The following TMEM135 variants were observed in gnomAD, a reference collection of about 807,000 sequenced individuals.
TMEM135 encodes the protein peroxisomal membrane protein 52.
Under a neutral mutation model 60.3 loss-of-function variants are expected in TMEM135, and 30 were observed. The observed-to-expected ratio is 0.50, with a 90% CI of 0.37 to 0.68. The LOEUF (loss-of-function observed/expected upper bound fraction) is 0.68. Among genes scored for constraint, TMEM135 ranks in the 30% least tolerant of loss-of-function variants. The pLI is 0.00. For missense variants in TMEM135, 468 were observed against 548.8 expected (o/e 0.85, Z 1.47); for synonymous variants, 190 against 186.7 (o/e 1.02, Z -0.14).
intron 5 of TMEM135, among the ~76,000 whole-genome samples, chr11:87,158,752 C>A (rs1476805913): frequency 6.6e-6 from 1 of 152,194 alleles, no homozygotes; most frequent in Admixed American, 6.5e-5. Context: ...GCGTGAGCCA[C>A]CGCGCCCGGC....
chr11:87,097,175 C>T (rs56181794), intron 4 of TMEM135, among the ~76,000 whole-genome samples: 12,021 of 151,992 alleles, frequency 0.079, 675 homozygotes, highest in Non-Finnish European at 0.12. Flanking sequence ...TTTTGTATTT[C>T]CAGTACAGAC....
intron 4 of TMEM135, among the ~76,000 whole-genome samples, chr11:87,101,886 T>G (rs1376343463): frequency 6.6e-6 from 1 of 152,072 alleles, no homozygotes; most frequent in Non-Finnish European, 1.5e-5. Context: ...GGCAGGAGAA[T>G]AGCTTGAACC....
intron 6 of TMEM135, among the ~76,000 whole-genome samples, chr11:87,282,612 G>A (rs1376876402): frequency 6.6e-6 from 1 of 152,186 alleles, no homozygotes; most frequent in African/African-American, 2.4e-5. Context: ...CCCTTGTAAA[G>A]TCTTTGCATA....
chr11:87,225,398 A>G (rs2135360721), intron 5 of TMEM135, among the ~76,000 whole-genome samples: 1 of 152,258 alleles, frequency 6.6e-6, no homozygotes, highest in African/African-American at 2.4e-5. Context: ...CCATTCAATA[A>G]CATCTGCAAT....
intron 6 of TMEM135, among the ~76,000 whole-genome samples, chr11:87,259,745 T>C (rs986765911): frequency 6.6e-6 from 1 of 152,204 alleles, no homozygotes; most frequent in Non-Finnish European, 1.5e-5. Flanking sequence ...ATTGAGTCAC[T>C]GAGCCAGGAA....
At chr11:87,058,752 T>G (rs1949917802) in intron 1 of TMEM135, among the ~76,000 whole-genome samples, 1 of 151,766 alleles carries the variant, frequency 6.6e-6, no homozygotes, top group African/African-American at 2.4e-5. Flanking sequence ...CCCGAGTAGC[T>G]GGGACTACAG....
At chr11:87,175,090 A>G (rs575051155) in intron 5 of TMEM135, among the ~76,000 whole-genome samples, 1 of 152,268 alleles carries the variant, frequency 6.6e-6, no homozygotes, top group African/African-American at 2.4e-5. Context: ...ATAAGTCTGG[A>G]TGGTATAGAT....
At chr11:87,132,885 G>A (rs79382297) in intron 4 of TMEM135, among the ~76,000 whole-genome samples, 15,588 of 151,926 alleles carry the variant, frequency 0.1, 825 homozygotes, top group African/African-American at 0.12. Context: ...TCACAATAAG[G>A]GATTAGTAAC....
At chr11:87,138,186 G>T (rs1290211761) in intron 4 of TMEM135, among the ~76,000 whole-genome samples, 1 of 150,966 alleles carries the variant, frequency 6.6e-6, no homozygotes, top group African/African-American at 2.4e-5. Flanking sequence ...CGCCTCCTGG[G>T]TTCAAGTGAT....
chr11:87,219,330 G>A (rs1164014400), intron 5 of TMEM135, among the ~76,000 whole-genome samples: 1 of 152,140 alleles, frequency 6.6e-6, no homozygotes, highest in African/African-American at 2.4e-5. Context: ...CAAAGTTCTG[G>A]AGGCTACAAG....
chr11:87,200,290 AAAT>A (rs1414966706), intron 5 of TMEM135, among the ~76,000 whole-genome samples: 40 of 152,280 alleles, frequency 2.6e-4, no homozygotes, highest in African/African-American at 9.6e-4. Flanking sequence ...TATAATAAGA[AAAT>A]AACCTAACTG....
intron 4 of TMEM135, among the ~76,000 whole-genome samples, chr11:87,134,519 A>G (rs958978637): frequency 2.0e-5 from 3 of 152,186 alleles, no homozygotes; most frequent in Admixed American, 6.6e-5. Context: ...GTCTTGCTCT[A>G]TCATCCAGGC....
At chr11:87,054,568 C>G (rs1161559043) in intron 1 of TMEM135, among the ~76,000 whole-genome samples, 1 of 152,168 alleles carries the variant, frequency 6.6e-6, no homozygotes, top group African/African-American at 2.4e-5. Context: ...TATAAGAATG[C>G]TGAATTTTTT....
rs1428354509 is a variant in TMEM135, at chr11:87,328,534, A to T, written c.*7201A>T. 4.4e-6 allele frequency: 2 copies of T among 453,606 alleles called. No individual in the cohort carries two copies. The highest frequency in any genetic ancestry group is 8.8e-6 in the Non-Finnish European group (2 of 226,736). The allele number at this position is 453,606 out of a possible 1,614,324, so 28.1% of individuals were successfully genotyped here. ...CTGAGTCTCCATAGTCCATTATATCACTCTGTATACCCTTGTGTATCCATA... is the reference window on the plus strand; with the variant it reads ...CTGAGTCTCCATAGTCCATTATATCTCTCTGTATACCCTTGTGTATCCATA... On this transcript the variant is annotated 3_prime_UTR_variant, in exon 15 of 15. Coordinates refer to ENST00000305494, the MANE Select transcript of TMEM135 (RefSeq NM_022918.4).
At chr11:87,097,249 G>T (rs1003195042) in intron 4 of TMEM135, among the ~76,000 whole-genome samples, 1 of 151,996 alleles carries the variant, frequency 6.6e-6, no homozygotes, top group Non-Finnish European at 1.5e-5. Flanking sequence ...TGCCCGCCTC[G>T]GCCTCCCAAA....
chr11:87,218,831 G>T (rs1940557624), intron 5 of TMEM135, among the ~76,000 whole-genome samples: 1 of 152,102 alleles, frequency 6.6e-6, no homozygotes, highest in South Asian at 2.1e-4. Context: ...GCATGGTGGT[G>T]CACACCTGTG....
At chr11:87,058,885 G>T (rs1342570317) in intron 1 of TMEM135, among the ~76,000 whole-genome samples, 2 of 152,048 alleles carry the variant, frequency 1.3e-5, no homozygotes, top group African/African-American at 4.8e-5. Context: ...CTCCCAAAGT[G>T]CTGGGATTAC....
chr11:87,298,836 C>T (rs2135437092), intron 7 of TMEM135, among the ~76,000 whole-genome samples: 1 of 149,822 alleles, frequency 6.7e-6, no homozygotes, highest in African/African-American at 2.5e-5. Context: ...GCCTGTAATC[C>T]CAGCACTTTG....
intron 5 of TMEM135, among the ~76,000 whole-genome samples, chr11:87,204,764 G>T (rs1940198635): frequency 6.6e-6 from 1 of 152,144 alleles, no homozygotes; most frequent in African/African-American, 2.4e-5. Context: ...GGAGGAGGAA[G>T]AGGAGGAGGT....
Sources: gnomAD v4.1 joint callset for allele counts (sites outside exome capture counted in the v4.1 genomes callset) on GRCh38, gnomAD v4.1.1 for gene constraint, MANE v1.5 for transcripts, NCBI Gene and HGNC (gene_info 2026-07-23, HGNC 2026-07-21) for gene names.